HDAC9: variants seen among roughly 807,000 people sequenced by gnomAD.
HDAC9 encodes MEF-2 interacting transcription repressor (MITR) protein.
A neutral mutation model predicts 139.4 loss-of-function variants in HDAC9; 41 were observed. The observed-to-expected ratio is 0.29, with a 90% CI of 0.23 to 0.38. HDAC9 has a LOEUF of 0.38. Among genes scored for constraint, HDAC9 ranks in the 10% least tolerant of loss-of-function variants. The pLI is 1.00. For missense variants in HDAC9, 1,147 were observed against 1,297.0 expected, an observed-to-expected ratio of 0.88 and a Z score of 1.78; for synonymous variants, 517 against 476.2, an observed-to-expected ratio of 1.09 and a Z score of -1.12.
At chr7:18,719,326 TCTTC>T (rs1159059191) in intron 12 of HDAC9, among the ~76,000 whole-genome samples, 25 of 143,220 alleles carry the variant, frequency 1.7e-4, no homozygotes, top group African/African-American at 6.3e-4. Flanking sequence ...TATTTTTTTC[TCTTC>T]CTTTTTTTTT....
chr7:18,336,866 G>T (rs1372242672), intron 1 of HDAC9, among the ~76,000 whole-genome samples: 2 of 151,476 alleles, frequency 1.3e-5, no homozygotes, highest in South Asian at 2.1e-4. Flanking sequence ...AGAAAAAAAT[G>T]GTGGCTGTGT....
At chr7:18,362,381 A>G (rs574703672) in intron 1 of HDAC9, among the ~76,000 whole-genome samples, 7 of 152,330 alleles carry the variant, frequency 4.6e-5, no homozygotes, top group African/African-American at 1.4e-4. Flanking sequence ...GTTTTTAACA[A>G]TCATGGTAAC....
At chr7:18,541,669 A>T (rs550674708) in intron 2 of HDAC9, among the ~76,000 whole-genome samples, 1 of 152,308 alleles carries the variant, frequency 6.6e-6, no homozygotes, top group African/African-American at 2.4e-5. Flanking sequence ...CAGGAATTCT[A>T]TATCTGTACA....
intron 8 of HDAC9, among the ~76,000 whole-genome samples, chr7:18,636,047 C>G (rs116502782): frequency 3.9e-4 from 60 of 152,204 alleles, no homozygotes; most frequent in African/African-American, 1.4e-3. Context: ...CAGAAGTTGT[C>G]TCTGATGAGC....
rs73320093 is a variant in HDAC9, at chr7:18,890,468, A to G, written c.2803+15872A>G. 6.8e-3 allele frequency among the ~76,000 whole-genome samples: 1,039 copies of G among 152,342 alleles called. 15 individuals carry two copies. Among genetic ancestry groups the G allele is most frequent in the African/African-American group, 0.023 (967 of 41,580 alleles). ...CATAGGATGACTCTCCCAGACATCT[A>G]TGTAACAAGGAGTCAGTTTTGATAG... On this transcript the variant is annotated intron_variant, in intron 22 of 25. Coordinates refer to ENST00000686413, the MANE Select transcript of HDAC9 (RefSeq NM_178425.4).
intron 2 of HDAC9, among the ~76,000 whole-genome samples, chr7:18,506,330 G>T (rs1270644409): frequency 2.6e-5 from 4 of 152,140 alleles, no homozygotes; most frequent in Non-Finnish European, 5.9e-5. Flanking sequence ...TCTGGTTGAT[G>T]ATGACAACAA....
intron 25 of HDAC9, among the ~76,000 whole-genome samples, chr7:18,991,770 A>T (rs536161031): frequency 6.6e-6 from 1 of 152,238 alleles, no homozygotes; most frequent in Non-Finnish European, 1.5e-5. Flanking sequence ...TCTTTGTCCA[A>T]ACTGATTAGT....
chr7:18,860,907 T>C (rs571214846), intron 21 of HDAC9, among the ~76,000 whole-genome samples: 2 of 152,302 alleles, frequency 1.3e-5, no homozygotes, highest in African/African-American at 4.8e-5. Flanking sequence ...CACACCCTTG[T>C]AGCTCAGCCT....
chr7:18,719,108 A>T (rs1324433924), intron 12 of HDAC9, among the ~76,000 whole-genome samples: 4 of 152,078 alleles, frequency 2.6e-5, no homozygotes, highest in Non-Finnish European at 5.9e-5. Context: ...GTTGCCTGTT[A>T]TCTTTACCTG....
intron 2 of HDAC9, among the ~76,000 whole-genome samples, chr7:18,245,968 T>C (rs1794497275): frequency 6.6e-6 from 1 of 151,834 alleles, no homozygotes; most frequent in Non-Finnish European, 1.5e-5. Flanking sequence ...AGAGCATTAA[T>C]TCACAGATAA....
chr7:18,291,097 C>A (rs1422946546), intron 1 of HDAC9, among the ~76,000 whole-genome samples: 2 of 152,128 alleles, frequency 1.3e-5, no homozygotes, highest in Non-Finnish European at 2.9e-5. Flanking sequence ...CTCCCTCCTT[C>A]AATCTAGTTG....
At chr7:18,466,549 G>A (rs1436805481) in intron 1 of HDAC9, among the ~76,000 whole-genome samples, 4 of 152,150 alleles carry the variant, frequency 2.6e-5, no homozygotes, top group East Asian at 3.9e-4. Flanking sequence ...ACGTCCTCTC[G>A]TACTTCAAAT....
At chr7:18,674,808 C>T (rs1462197604) in intron 12 of HDAC9, among the ~76,000 whole-genome samples, 4 of 151,726 alleles carry the variant, frequency 2.6e-5, no homozygotes, top group African/African-American at 7.3e-5. Flanking sequence ...TTTAAACTGG[C>T]TTTAGTAAAA....
At chr7:18,527,460 G>T (rs966577359) in intron 2 of HDAC9, among the ~76,000 whole-genome samples, 2 of 152,126 alleles carry the variant, frequency 1.3e-5, no homozygotes, top group African/African-American at 2.4e-5. Flanking sequence ...CTCAGAATTA[G>T]ATTTGAAAGT....
intron 17 of HDAC9, among the ~76,000 whole-genome samples, chr7:18,801,475 T>C (rs1436783510): frequency 6.6e-6 from 1 of 152,094 alleles, no homozygotes; most frequent in Non-Finnish European, 1.5e-5. Context: ...TGTTATGCAT[T>C]TCCACATTTG....
intron 2 of HDAC9, among the ~76,000 whole-genome samples, chr7:18,257,401 C>CACACACACACACACA (rs1795338037): frequency 1.1e-4 from 15 of 130,858 alleles, no homozygotes; most frequent in African/African-American, 4.1e-4. Flanking sequence ...TCTGTCTCTC[C>CACACACACACACACA]CACACACACA....
In HDAC9 at chr7:18,990,158, C is replaced by T. The variant is rs562885022; in HGVS notation, c.3171-5865C>T. Among the ~76,000 whole-genome samples, 1,202 of 152,234 alleles carry T rather than the reference C, an allele frequency of 7.9e-3. 13 individuals are homozygous for T. The highest frequency in any genetic ancestry group is 0.014 in the Middle Eastern group (4 of 292). ...CGTTTTAGAGTTTCCAGTTTTTCTGCTCTGTTTTTTCCCCATCTTTGTGGT... is the reference window on the plus strand; with the variant it reads ...CGTTTTAGAGTTTCCAGTTTTTCTGTTCTGTTTTTTCCCCATCTTTGTGGT... On this transcript the variant is annotated intron_variant, in intron 25 of 25. Coordinates refer to ENST00000686413, the MANE Select transcript of HDAC9 (RefSeq NM_178425.4).
In HDAC9 at chr7:18,829,110, C is replaced by T. The variant is rs373698016; in HGVS notation, c.2323-51C>T. The T allele has an allele frequency of 8.9e-4, 1,162 of 1,312,126 alleles. 5 individuals carry two copies. In the Middle Eastern group the frequency reaches 0.012, roughly 13 times the overall value. 81.3% of individuals were successfully genotyped at this position (1,312,126 alleles called of 1,614,324 possible). On this transcript the variant is annotated intron_variant, in intron 17 of 25. Transcript: ENST00000686413. ...GCCTGGAGATCCAAGCAATCCCTCT[C>T]CTACCCTCTCCATTATATCTGACCA... is the stretch of plus-strand genomic sequence containing the variant.
chr7:18,930,018 A>T (rs1804594625), intron 22 of HDAC9, among the ~76,000 whole-genome samples: 1 of 152,170 alleles, frequency 6.6e-6, no homozygotes, highest in Non-Finnish European at 1.5e-5. Flanking sequence ...TTTGTAGTCA[A>T]TACAGGTAAT....
Sources: allele counts gnomAD v4.1 joint callset (sites outside exome capture counted in the v4.1 genomes callset), GRCh38; gene constraint gnomAD v4.1.1; transcripts MANE v1.5; gene names NCBI Gene and HGNC (gene_info 2026-07-23, HGNC 2026-07-21).